FOXK2: variants seen among roughly 807,000 people sequenced by gnomAD.
The protein encoded by FOXK2 is forkhead box protein K2.
Under a neutral mutation model 53.3 loss-of-function variants are expected in FOXK2, and 24 were observed. That is an observed-to-expected ratio of 0.45 (90% CI 0.33 to 0.63). The LOEUF is 0.63. Among genes scored for constraint, FOXK2 ranks in the 30% least tolerant of loss-of-function variants. The probability of loss-of-function intolerance (pLI) is 0.03; values close to 1 mark genes in which losing one functional copy is unlikely to be tolerated. For synonymous variants in FOXK2, 505 were observed against 407.1 expected, an observed-to-expected ratio of 1.24 and a Z score of -2.89; for missense variants, 952 against 910.5, an observed-to-expected ratio of 1.05 and a Z score of -0.59.
At chr17:82,558,507 G>C (rs1057135615) in intron 1 of FOXK2, among the ~76,000 whole-genome samples, 2 of 152,250 alleles carry the variant, frequency 1.3e-5, no homozygotes, top group African/African-American at 2.4e-5. Flanking sequence ...GTGAGAAGCA[G>C]ACGAAACACT....
chr17:82,523,084 C>G (rs754357802), intron 1 of FOXK2, among the ~76,000 whole-genome samples: 1 of 152,212 alleles, frequency 6.6e-6, no homozygotes, highest in Non-Finnish European at 1.5e-5. Flanking sequence ...TGAGCCACCA[C>G]GCCTGGCCGA....
At chr17:82,567,902 A>G (rs1387030608) in intron 2 of FOXK2, 152 bp from the exon 3 acceptor site, 1 of 645,572 alleles carries the variant, frequency 1.5e-6, no homozygotes, top group Non-Finnish European at 2.4e-6. Flanking sequence ...CTGTGTTTCC[A>G]TAGGAAATGC....
At chr17:82,525,666 A>G (rs948176311) in intron 1 of FOXK2, among the ~76,000 whole-genome samples, 1 of 152,214 alleles carries the variant, frequency 6.6e-6, no homozygotes, top group African/African-American at 2.4e-5. Flanking sequence ...ATACTTTGAA[A>G]ATGTCAAATG....
intron 1 of FOXK2, among the ~76,000 whole-genome samples, chr17:82,535,821 C>T (rs542465348): frequency 6.7e-6 from 1 of 149,930 alleles, no homozygotes; most frequent in South Asian, 2.1e-4. Flanking sequence ...GATCTGGGCT[C>T]ACTGAAACCT....
rs754867800 is a variant in FOXK2, at chr17:82,594,119, G to A, written c.1786+6847G>A. On this transcript the variant is annotated intron_variant, in intron 8 of 8. Coordinates refer to ENST00000335255, the MANE Select transcript of FOXK2 (RefSeq NM_004514.4). The stretch of plus-strand genomic sequence containing the variant: ...TGGAGGTCTCGGAGGGGCTTGCTGC[G>A]TGTAGTACCCACACAGCCCACAACT... Among the ~76,000 whole-genome samples the A allele has an allele frequency of 1.5e-3, 223 of 152,342 alleles. 1 individual carries two copies. Among genetic ancestry groups the A allele is most frequent in the Non-Finnish European group, 2.7e-3 (186 of 68,030 alleles).
At chr17:82,544,777 A>G (rs546068427) in intron 1 of FOXK2, among the ~76,000 whole-genome samples, 15 of 152,090 alleles carry the variant, frequency 9.9e-5, no homozygotes, top group African/African-American at 2.9e-4. Context: ...AGGGGTGTGC[A>G]GAGTGAAGTG....
rs549827221 is a variant in FOXK2, at chr17:82,540,622, G to T, written c.419+20315G>T. Among the ~76,000 whole-genome samples, 7 of 152,078 alleles carry T rather than the reference G, an allele frequency of 4.6e-5. No homozygotes were observed. In the East Asian group the frequency reaches 9.7e-4, roughly 21 times the overall value. Reference sequence around the variant, plus strand: ...CGTAACCCTTTCCTTCCTCCCACACGCCTGCCCACTGGATGCTACTCTGCA... The same window carrying T: ...CGTAACCCTTTCCTTCCTCCCACACTCCTGCCCACTGGATGCTACTCTGCA... On this transcript the variant is annotated intron_variant, in intron 1 of 8. Coordinates refer to ENST00000335255, the MANE Select transcript of FOXK2 (RefSeq NM_004514.4).
chr17:82,584,549 C>CTTTTTTTTTT (rs34083156), intron 6 of FOXK2, among the ~76,000 whole-genome samples: 2 of 89,860 alleles, frequency 2.2e-5, no homozygotes, highest in African/African-American at 8.2e-5. Context: ...AAAACATGTC[C>CTTTTTTTTTT]TTTTTTTTTT....
chr17:82,574,564 C>T (rs2044961063), intron 4 of FOXK2, among the ~76,000 whole-genome samples: 1 of 152,206 alleles, frequency 6.6e-6, no homozygotes, highest in Non-Finnish European at 1.5e-5. Flanking sequence ...GGGTGATCTG[C>T]CTGCCTCGGT....
chr17:82,539,148 G>A (rs574778992), intron 1 of FOXK2, among the ~76,000 whole-genome samples: 4 of 151,798 alleles, frequency 2.6e-5, no homozygotes, highest in South Asian at 2.1e-4. Flanking sequence ...GTGGCCGGGC[G>A]TGGTGGCTCA....
Position 82,603,152 on chromosome 17 carries a change from C to G in FOXK2, c.*1653C>G, listed in dbSNP as rs2045405653. 1 of 152,460 alleles carries G rather than the reference C, an allele frequency of 6.6e-6. No individual in the cohort carries two copies. The highest frequency in any genetic ancestry group is 6.5e-5 in the Admixed American group (1 of 15,284). 9.4% of individuals were successfully genotyped at this position (152,460 alleles called of 1,614,324 possible). A position where few individuals can be genotyped will look rare whatever the true frequency, so the allele number is the denominator to read the frequency against. The stretch of plus-strand genomic sequence containing the variant: ...ACTGCACACTAGCTGGATTATCACT[C>G]AGCCGTTTAAGAAATAAAAGCAAAA... On this transcript the variant is annotated 3_prime_UTR_variant, in exon 9 of 9. Transcript: ENST00000335255.
chr17:82,589,848 C>T (rs1444550388), intron 8 of FOXK2, among the ~76,000 whole-genome samples: 1 of 152,194 alleles, frequency 6.6e-6, no homozygotes, highest in African/African-American at 2.4e-5. Flanking sequence ...GAGTTGGAGA[C>T]CAGCCTGGCC....
chr17:82,566,276 C>T (rs1044713677), intron 2 of FOXK2, among the ~76,000 whole-genome samples: 2 of 151,966 alleles, frequency 1.3e-5, no homozygotes, highest in East Asian at 1.9e-4. Flanking sequence ...GAAAAACATC[C>T]GTTGTGCATG....
intron 4 of FOXK2, chr17:82,577,381 TA>T: frequency 1.8e-6 from 1 of 557,630 alleles, no homozygotes; most frequent in Admixed American, 2.7e-5. Context: ...TCTCTTCTTC[TA>T]AGGTGTCCAT....
rs146508037 is a variant in FOXK2 at position 82,568,054 on chromosome 17, C to T, written c.615C>T (p.Ser205=). Residue 205 remains serine, a splice_region_variant and synonymous_variant, in exon 3 of 9, where the codon AGC becomes AGT. Transcript: ENST00000335255. ...SPLPSPTGTI[S]AANSCPSSPR... ...AGGAACAACTTTTTCTCTTCCACAG[C>T]GCTGCAAACTCCTGCCCCTCCAGCC... 54 of 1,601,940 alleles carry T rather than the reference C, an allele frequency of 3.4e-5. No individual in the cohort carries two copies. The highest frequency in any genetic ancestry group is 1.8e-4 in the Admixed American group (10 of 55,078).
At chr17:82,532,863 T>C (rs2044485592) in intron 1 of FOXK2, among the ~76,000 whole-genome samples, 1 of 152,226 alleles carries the variant, frequency 6.6e-6, no homozygotes, top group Non-Finnish European at 1.5e-5. Flanking sequence ...CCACCGCGCC[T>C]GACCACAAAA....
chr17:82,586,150 C>A lies in FOXK2; in HGVS notation c.1526C>A (p.Ala509Asp), dbSNP rs761678413. 2.5e-6 allele frequency: 4 copies of A among 1,612,264 alleles called. No homozygotes were observed. Among genetic ancestry groups the A allele is most frequent in the Non-Finnish European group, 3.4e-6 (4 of 1,179,870 alleles). The stretch of plus-strand genomic sequence containing the variant: ...GTGGTCACCCCGGCAGCCGTGCTGG[C>A]CCCTCCTAAGGCAGAGGCCCAGGAG... Reference protein sequence around the residue: ...QAVVTPAAVLAPPKAEAQENG... With the variant: ...QAVVTPAAVLDPPKAEAQENG... Residue 509 changes from alanine to aspartate, a missense_variant, in exon 7 of 9, where the codon GCC becomes GAC. Ala to Asp is a moderately radical substitution (Grantham distance 126, BLOSUM62 -2). Around this residue, in one of 5 missense-constraint regions of FOXK2, gnomAD observed 551 missense variants for 385.1 expected, o/e 1.43. Transcript: ENST00000335255.
chr17:82,549,615 A>C (rs1185792292), intron 1 of FOXK2, among the ~76,000 whole-genome samples: 1 of 152,182 alleles, frequency 6.6e-6, no homozygotes, highest in Non-Finnish European at 1.5e-5. Flanking sequence ...GTTGCAGTGC[A>C]GCAAATGGGA....
intron 1 of FOXK2, among the ~76,000 whole-genome samples, chr17:82,542,963 A>G (rs1293981010): frequency 6.6e-6 from 1 of 152,212 alleles, no homozygotes; most frequent in African/African-American, 2.4e-5. Context: ...GGCTGCAGTG[A>G]GCCGTGATTG....
Sources: allele counts gnomAD v4.1 joint callset (sites outside exome capture counted in the v4.1 genomes callset), GRCh38; gene constraint gnomAD v4.1.1; regional missense constraint gnomAD v4.1.1; transcripts MANE v1.5; gene names NCBI Gene and HGNC (gene_info 2026-07-23, HGNC 2026-07-21).